RTTN: variants seen among roughly 807,000 people sequenced by gnomAD.
RTTN encodes the protein rotatin.
RTTN carries 182 observed loss-of-function variants against 269.2 expected under a neutral mutation model. The ratio of observed to expected loss-of-function variants is 0.68; its 90% CI spans 0.60 to 0.76. The LOEUF (loss-of-function observed/expected upper bound fraction) is 0.76. Among genes scored for constraint, RTTN ranks in the 30% least tolerant of loss-of-function variants. RTTN has a pLI of 0.00. For synonymous variants in RTTN, 1,006 were observed against 963.5 expected, an observed-to-expected ratio of 1.04 and a Z score of -0.82; for missense variants, 2,545 against 2,608.6, an observed-to-expected ratio of 0.98 and a Z score of 0.53.
chr18:70,012,865 G>A (rs902948494), intron 46 of RTTN, among the ~76,000 whole-genome samples: 8 of 152,152 alleles, frequency 5.3e-5, no homozygotes, highest in East Asian at 3.9e-4. Flanking sequence ...ATAAATATTC[G>A]TTGTGTGAAA....
intron 46 of RTTN, among the ~76,000 whole-genome samples, chr18:70,012,027 C>G (rs529216755): frequency 2.2e-5 from 3 of 139,424 alleles, no homozygotes; most frequent in African/African-American, 2.7e-5. Flanking sequence ...TACAGGGCAG[C>G]GTCTGCTCAC....
At chr18:70,125,029 AATG>A (rs1463274152) in intron 25 of RTTN, among the ~76,000 whole-genome samples, 2 of 152,052 alleles carry the variant, frequency 1.3e-5, no homozygotes, top group Admixed American at 6.6e-5. Context: ...AAGTTTCCAA[AATG>A]ATATTAGATT....
chr18:70,012,781 T>C (rs1055716751), intron 46 of RTTN, among the ~76,000 whole-genome samples: 5 of 152,212 alleles, frequency 3.3e-5, no homozygotes, highest in Admixed American at 2.6e-4. Context: ...GTCTGCTCAC[T>C]GGTATTAGTT....
rs777283471 is a variant in RTTN at position 70,092,203 on chromosome 18, C to T, written c.4050G>A (p.Trp1350Ter). The T allele has an allele frequency of 3.7e-6, 6 of 1,609,182 alleles. No homozygotes were observed. Among genetic ancestry groups the T allele is most frequent in the Non-Finnish European group, 5.1e-6 (6 of 1,175,904 alleles). ...QAGSLEWMSLWFLPLGSHSEE... is the reference protein window; with the variant it reads ...QAGSLEWMSL The stretch of plus-strand genomic sequence containing the variant: ...CACTATGACTACCCAAAGGCAAGAA[C>T]CAAAGTGACATCCACTCCTAGAGGG... The change falls in exon 30 of 49, where the codon TGG (tryptophan) becomes TGA (stop). Residue 1350 changes from tryptophan to a stop codon, truncating the protein, a stop_gained. Coordinates refer to ENST00000640769, the MANE Select transcript of RTTN (RefSeq NM_173630.4). LOFTEE classifies it high-confidence loss of function.
rs535614562 is a variant in RTTN, at chr18:70,004,000, T to C, written c.*151A>G. 2.0e-4 allele frequency: 112 copies of C among 564,478 alleles called. No individual in the cohort carries two copies. Among genetic ancestry groups the C allele is most frequent in the Non-Finnish European group, 1.3e-5 (4 of 317,402 alleles). 35.0% of individuals were successfully genotyped at this position (564,478 alleles called of 1,614,324 possible). On this transcript the variant is annotated 3_prime_UTR_variant, in exon 49 of 49. Coordinates refer to ENST00000640769, the MANE Select transcript of RTTN (RefSeq NM_173630.4). ...GCCACAACTGGACGGTGTTGGAGTA[T>C]CACCAGTTCTCTCTCTCATGGGAAA...
chr18:70,025,828 C>T (rs2056837899), intron 43 of RTTN, among the ~76,000 whole-genome samples: 1 of 152,222 alleles, frequency 6.6e-6, no homozygotes. Context: ...AGGTGTTCCA[C>T]TTCTTGCCTG....
At chr18:70,155,901 C>T (rs1001601043) in intron 14 of RTTN, among the ~76,000 whole-genome samples, 4 of 151,970 alleles carry the variant, frequency 2.6e-5, no homozygotes, top group Admixed American at 6.6e-5. Context: ...CTTATCACTT[C>T]CCCAATAAAT....
Position 70,169,010 on chromosome 18 carries a change from T to G in RTTN, c.1534A>C (p.Met512Leu). 1.2e-6 allele frequency: 2 copies of G among 1,612,960 alleles called. No homozygotes were observed. The highest frequency in any genetic ancestry group is 4.5e-5 in the East Asian group (2 of 44,784). The change falls in exon 12 of 49, where the codon ATG (methionine) becomes CTG (leucine). Residue 512 changes from methionine to leucine, a missense_variant. Coordinates refer to ENST00000640769, the MANE Select transcript of RTTN (RefSeq NM_173630.4). ...STALFLLSLD[M>L]PISLEYPNIH... The stretch of plus-strand genomic sequence containing the variant: ...TTTGGATATTCCAAAGAAATAGGCA[T>G]GTCCAAAGAAAGGAGAAATAATGCT...
At chr18:70,121,516 T>C in intron 26 of RTTN, 40 bp downstream of exon 26, 3 of 1,458,654 alleles carry the variant, frequency 2.1e-6, no homozygotes, top group South Asian at 1.4e-5. Context: ...AAATAAGTTA[T>C]TTCCCAAACT....
At position 70,195,656 on chromosome 18, in the gene RTTN, G is replaced by A. The variant is rs2061787978; in HGVS notation, c.841+845C>T. The stretch of plus-strand genomic sequence containing the variant: ...TGTTCAGTGTTATACTTCCCTAGAG[G>A]CTAGAATATCAGGGGCATAAAACAG... On this transcript the variant is annotated intron_variant, in intron 7 of 48. Coordinates refer to ENST00000640769, the MANE Select transcript of RTTN (RefSeq NM_173630.4). Among the ~76,000 whole-genome samples the A allele has an allele frequency of 2.0e-5, 3 of 152,306 alleles. No individual in the cohort carries two copies. The South Asian group carries it at 6.2e-4, about 32-fold the overall frequency.
Position 70,029,078 on chromosome 18 carries a change from G to T in RTTN, c.5746-277C>A, listed in dbSNP as rs116454025. Among the ~76,000 whole-genome samples, 2,926 of 151,750 alleles carry T rather than the reference G, an allele frequency of 0.019. 95 individuals are homozygous for T. The highest frequency in any genetic ancestry group is 0.066 in the African/African-American group (2,708 of 41,308). On this transcript the variant is annotated intron_variant, in intron 42 of 48. Coordinates refer to ENST00000640769, the MANE Select transcript of RTTN (RefSeq NM_173630.4). Reference sequence around the variant, plus strand: ...CCATGTTTCATCTCAATAAAGTGAGGCAGATACTGAGAGATTTTCAATAAT... The same window carrying T: ...CCATGTTTCATCTCAATAAAGTGAGTCAGATACTGAGAGATTTTCAATAAT...
chr18:70,063,866 A>G (rs1369073619), intron 35 of RTTN, among the ~76,000 whole-genome samples: 2 of 152,006 alleles, frequency 1.3e-5, no homozygotes, highest in African/African-American at 4.8e-5. Flanking sequence ...TTTGAAAAAA[A>G]AGGAATATAC....
chr18:70,165,412 G>A (rs2060958969), intron 14 of RTTN, among the ~76,000 whole-genome samples: 1 of 151,782 alleles, frequency 6.6e-6, no homozygotes, highest in Admixed American at 6.6e-5. Context: ...AGAAGAGAAA[G>A]CAAAGAAGCT....
chr18:70,018,092 T>C (rs73970814), intron 45 of RTTN, among the ~76,000 whole-genome samples: 4,073 of 152,232 alleles, frequency 0.027, 181 homozygotes, highest in African/African-American at 0.092. Flanking sequence ...ACTCTGGAAG[T>C]AGTGAGGGTA....
Position 70,199,467 on chromosome 18 carries a change from A to C in RTTN, c.525T>G (p.Phe175Leu), listed in dbSNP as rs1320867573. The part of the protein sequence containing the change: ...QTVKCLKFST[F>L]PWLPLTTTDR... ...CTGTGGTGGTCAGGGGTAGCCAAGG[A>C]AATGTAGAAAACTTCAAGCACTTCA... The change falls in exon 5 of 49, where the codon TTT becomes TTG. Residue 175 changes from phenylalanine (F) to leucine (L), a missense_variant. By Grantham distance (22) the Phe-to-Leu change is conservative. Transcript: ENST00000640769. 1.9e-6 allele frequency: 3 copies of C among 1,613,122 alleles called. No homozygotes were observed. The African/African-American group carries it at 4.0e-5, about 22-fold the overall frequency.
intron 17 of RTTN, among the ~76,000 whole-genome samples, chr18:70,146,109 T>C (rs1410412709): frequency 1.3e-5 from 2 of 152,130 alleles, no homozygotes; most frequent in Admixed American, 6.6e-5. Flanking sequence ...TCAAATCTAG[T>C]GAACTATTCT....
chr18:70,178,794 G>A (rs941526503), intron 10 of RTTN, among the ~76,000 whole-genome samples: 7 of 152,038 alleles, frequency 4.6e-5, no homozygotes, highest in Admixed American at 3.3e-4. Context: ...TATGAATAGT[G>A]AATAATTTAG....
intron 2 of RTTN, among the ~76,000 whole-genome samples, 168 bp from the exon 3 acceptor site, chr18:70,204,431 C>T (rs2062027186): frequency 6.6e-6 from 1 of 152,186 alleles, no homozygotes; most frequent in Admixed American, 6.5e-5. Flanking sequence ...AGCACATACA[C>T]CTATAGAGAC....
chr18:70,160,681 A>C (rs1471430411), intron 14 of RTTN, among the ~76,000 whole-genome samples: 1 of 151,798 alleles, frequency 6.6e-6, no homozygotes. Flanking sequence ...AAAAAGAAAA[A>C]ACCATATTCT....
Sources: allele counts gnomAD v4.1 joint callset (sites outside exome capture counted in the v4.1 genomes callset), GRCh38; gene constraint gnomAD v4.1.1; transcripts MANE v1.5; gene names NCBI Gene and HGNC (gene_info 2026-07-23, HGNC 2026-07-21).